Variants in COL25A1 observed in about 807,000 individuals in gnomAD.
The protein encoded by COL25A1 is collagen type XXV alpha 1 chain, also known as collagen alpha-1(XXV) chain.
COL25A1 carries 103 observed loss-of-function variants against 128.4 expected under a neutral mutation model. The ratio of observed to expected loss-of-function variants is 0.80; its 90% CI spans 0.68 to 0.94. The LOEUF is 0.94. COL25A1 is among the 40% of genes least tolerant of loss of function. The pLI is 0.00. For missense variants in COL25A1, 745 were observed against 840.0 expected, an observed-to-expected ratio of 0.89 and a Z score of 1.40; for synonymous variants, 279 against 277.2, an observed-to-expected ratio of 1.01 and a Z score of -0.06.
intron 3 of COL25A1, among the ~76,000 whole-genome samples, chr4:109,286,601 C>G (rs537614425): frequency 2.0e-5 from 3 of 152,090 alleles, no homozygotes; most frequent in Non-Finnish European, 4.4e-5. Context: ...TCCTCTGGGA[C>G]ATTTGGCAAG....
At chr4:109,253,816 A>G (rs574917614) in intron 3 of COL25A1, among the ~76,000 whole-genome samples, 24 of 152,296 alleles carry the variant, frequency 1.6e-4, no homozygotes, top group South Asian at 4.1e-4. Flanking sequence ...GGCCGGGCGC[A>G]GTGGCTCACA....
At chr4:109,106,732 T>G (rs533779311) in intron 3 of COL25A1, among the ~76,000 whole-genome samples, 1 of 143,316 alleles carries the variant, frequency 7.0e-6, no homozygotes, top group Non-Finnish European at 1.5e-5. Context: ...TGGGACTATA[T>G]GCATGTGTAA....
intron 6 of COL25A1, among the ~76,000 whole-genome samples, chr4:108,982,749 C>A (rs1238725480): frequency 6.6e-6 from 1 of 152,220 alleles, no homozygotes; most frequent in East Asian, 1.9e-4. Context: ...TCAAAACCAG[C>A]CTCACTTACT....
chr4:109,302,083 G>T lies in COL25A1; in HGVS notation c.-56-8C>A. On this transcript the variant is annotated splice_polypyrimidine_tract_variant and splice_region_variant and intron_variant, in intron 1 of 37. Transcript: ENST00000399132. ...TCTACACCTCAAATAATCCTAAAAGGAAAGAAAAAGGTCGATTCCTCCAAA... is the reference window on the plus strand; with the variant it reads ...TCTACACCTCAAATAATCCTAAAAGTAAAGAAAAAGGTCGATTCCTCCAAA... The T allele has an allele frequency of 7.4e-6, 11 of 1,495,030 alleles. No homozygotes were observed. The highest frequency in any genetic ancestry group is 9.7e-6 in the Non-Finnish European group (11 of 1,130,830). 92.6% of individuals were successfully genotyped at this position (1,495,030 alleles called of 1,614,324 possible).
intron 35 of COL25A1, among the ~76,000 whole-genome samples, chr4:108,821,391 C>A (rs1350738291): frequency 6.6e-6 from 1 of 152,116 alleles, no homozygotes; most frequent in Non-Finnish European, 1.5e-5. Flanking sequence ...GTAAGTTGGT[C>A]ACTCACTCAA....
At chr4:109,147,481 T>A (rs1560770243) in intron 3 of COL25A1, among the ~76,000 whole-genome samples, 2 of 152,226 alleles carry the variant, frequency 1.3e-5, no homozygotes, top group Non-Finnish European at 2.9e-5. Flanking sequence ...TCAGGTTTTT[T>A]AAAAATTCAT....
At chr4:109,286,939 G>C (rs1055843004) in intron 3 of COL25A1, among the ~76,000 whole-genome samples, 2 of 152,140 alleles carry the variant, frequency 1.3e-5, no homozygotes, top group African/African-American at 4.8e-5. Flanking sequence ...AGGCATCTTG[G>C]GGAGGAGTTA....
chr4:109,062,070 T>G (rs1200588458), intron 3 of COL25A1, among the ~76,000 whole-genome samples: 1 of 152,158 alleles, frequency 6.6e-6, no homozygotes, highest in African/African-American at 2.4e-5. Flanking sequence ...AAAGAAAACA[T>G]ACACCAAAAT....
At chr4:108,895,938 C>CTTTTTTT (rs35506597) in intron 16 of COL25A1, among the ~76,000 whole-genome samples, 14 of 70,824 alleles carry the variant, frequency 2.0e-4, no homozygotes, top group East Asian at 4.7e-4. Context: ...TATAATCAAA[C>CTTTTTTT]TTTTTTTTTT....
chr4:109,168,316 C>T (rs1400624570), intron 3 of COL25A1, among the ~76,000 whole-genome samples: 2 of 152,140 alleles, frequency 1.3e-5, no homozygotes, highest in Non-Finnish European at 2.9e-5. Flanking sequence ...CCATCATGGA[C>T]TGAAGAAATA....
At chr4:108,881,485 A>G (rs1740116464) in intron 19 of COL25A1, among the ~76,000 whole-genome samples, 1 of 152,224 alleles carries the variant, frequency 6.6e-6, no homozygotes, top group South Asian at 2.1e-4. Flanking sequence ...TCCAAAGCAT[A>G]AAGAAACACA....
intron 6 of COL25A1, among the ~76,000 whole-genome samples, chr4:108,987,275 C>G (rs570040881): frequency 2.2e-5 from 3 of 134,524 alleles, no homozygotes; most frequent in Non-Finnish European, 5.2e-5. Flanking sequence ...CCTCTGTCTT[C>G]TCACTCTCTC....
At chr4:108,979,317 C>A (rs1006307194) in intron 6 of COL25A1, among the ~76,000 whole-genome samples, 25 of 151,844 alleles carry the variant, frequency 1.6e-4, no homozygotes, top group African/African-American at 6.1e-4. Context: ...AATGATAAAA[C>A]CAAACTAAAA....
intron 3 of COL25A1, among the ~76,000 whole-genome samples, chr4:109,221,458 T>C (rs1174898610): frequency 1.3e-5 from 2 of 152,164 alleles, no homozygotes; most frequent in Non-Finnish European, 2.9e-5. Flanking sequence ...ACAGTTACTG[T>C]TTCCAAGCGT....
At chr4:109,108,843 A>G (rs1766712412) in intron 3 of COL25A1, among the ~76,000 whole-genome samples, 1 of 152,172 alleles carries the variant, frequency 6.6e-6, no homozygotes, top group Non-Finnish European at 1.5e-5. Context: ...CTTAGACTAT[A>G]ATATAGTGTA....
intron 8 of COL25A1, among the ~76,000 whole-genome samples, chr4:108,967,253 C>A (rs1053571578): frequency 1.3e-5 from 2 of 152,130 alleles, no homozygotes; most frequent in African/African-American, 4.8e-5. Flanking sequence ...ATTAAAGTAT[C>A]CTTATTGTTA....
chr4:108,974,658 GA>G, intron 6 of COL25A1, 99 bp from the exon 7 acceptor site: 1 of 974,606 alleles, frequency 1.0e-6, no homozygotes, highest in Non-Finnish European at 1.5e-6. Context: ...AAAGAATACA[GA>G]GATAGCTGTC....
At chr4:108,980,158 G>A (rs527474130) in intron 6 of COL25A1, among the ~76,000 whole-genome samples, 2 of 152,326 alleles carry the variant, frequency 1.3e-5, no homozygotes, top group South Asian at 2.1e-4. Context: ...CAAGGAGTGC[G>A]GAGATGAAGT....
chr4:108,852,205 G>T, intron 26 of COL25A1, 31 bp downstream of exon 26: 11 of 1,570,472 alleles, frequency 7.0e-6, no homozygotes, highest in Non-Finnish European at 9.6e-6. Context: ...CACTGTATGT[G>T]ATAAATGGAA....
Sources: allele counts gnomAD v4.1 joint callset (sites outside exome capture counted in the v4.1 genomes callset), GRCh38; gene constraint gnomAD v4.1.1; transcripts MANE v1.5; gene names NCBI Gene and HGNC (gene_info 2026-07-23, HGNC 2026-07-21).